SPTA1: variants seen among roughly 807,000 people sequenced by gnomAD.
SPTA1 encodes spectrin alpha, erythrocytic 1.
A neutral mutation model predicts 324.7 loss-of-function variants in SPTA1; 177 were observed. That is an observed-to-expected ratio of 0.55 (90% CI 0.48 to 0.62). SPTA1 has a LOEUF of 0.62. Among genes scored for constraint, SPTA1 ranks in the 20% least tolerant of loss-of-function variants. The pLI, the probability that SPTA1 is intolerant of heterozygous loss-of-function variation, is 0.00. For missense variants in SPTA1, 3,162 were observed against 2,883.6 expected (o/e 1.10, Z -2.21); for synonymous variants, 1,195 against 1,041.3 (o/e 1.15, Z -2.84).
chr1:158,616,041 A>G (rs973471472), intron 47 of SPTA1, among the ~76,000 whole-genome samples: 3 of 152,222 alleles, frequency 2.0e-5, no homozygotes, highest in Non-Finnish European at 4.4e-5. Context: ...TGTGGAGTGC[A>G]GTGAAAAAAA....
rs373183356 is a variant in SPTA1 at position 158,634,581 on chromosome 1, C to G, written c.5527G>C (p.Val1843Leu). ...AATGTATCTCCACAATCTCCTCGGA[C>G]AGCCAAAGCATTCTTTTCATTGATC... is the stretch of plus-strand genomic sequence containing the variant. ...AWINEKNALA[V>L]RGDCGDTLAA... Residue 1843 changes from valine to leucine, a missense_variant, in exon 39 of 52, where the codon GTC (valine) becomes CTC (leucine). Coordinates refer to ENST00000643759, the MANE Select transcript of SPTA1 (RefSeq NM_003126.4). 8.7e-6 allele frequency: 14 copies of G among 1,613,996 alleles called. No homozygotes were observed. The highest frequency in any genetic ancestry group is 1.0e-5 in the Non-Finnish European group (12 of 1,180,032).
intron 39 of SPTA1, among the ~76,000 whole-genome samples, chr1:158,633,429 G>A (rs372600408): frequency 8.5e-4 from 129 of 152,192 alleles, no homozygotes; most frequent in African/African-American, 2.9e-3. Flanking sequence ...GGGAGGCTGA[G>A]GTGGGTGGAT....
intron 10 of SPTA1, among the ~76,000 whole-genome samples, chr1:158,673,585 A>G (rs1652301): frequency 0.5 from 75,598 of 151,602 alleles, 20,181 homozygotes; most frequent in Non-Finnish European, 0.59. Context: ...GTATAGAGGA[A>G]AGAAGAACAT....
In SPTA1 at chr1:158,648,642, T is replaced by C. The variant is rs1374543153; in HGVS notation, c.3581A>G (p.Asp1194Gly). 2 of 1,613,802 alleles carry C rather than the reference T, an allele frequency of 1.2e-6. No individual in the cohort carries two copies. The highest frequency in any genetic ancestry group is 1.7e-5 in the Admixed American group (1 of 59,976). ...AVEVFHREAD[D>G]TKEQIEKKCQ... is the part of the protein sequence containing the mutation. ...TTTCTTCTCAATCTGCTCCTTCGTG[T>C]CATCTGCTTCTCTGGTATACAAGAG... The change falls in exon 26 of 52, where the codon GAC becomes GGC. Residue 1194 changes from aspartate to glycine, a missense_variant. Asp to Gly is a moderately conservative substitution (Grantham distance 94). Coordinates refer to ENST00000643759, the MANE Select transcript of SPTA1 (RefSeq NM_003126.4).
chr1:158,638,570 C>G (rs1384569253), intron 35 of SPTA1, among the ~76,000 whole-genome samples: 1 of 151,978 alleles, frequency 6.6e-6, no homozygotes, highest in Non-Finnish European at 1.5e-5. Context: ...GTAATCCCAG[C>G]ACTTTGAGAG....
intron 46 of SPTA1, 137 bp from the exon 47 acceptor site, chr1:158,617,725 A>C: frequency 1.2e-6 from 1 of 850,340 alleles, no homozygotes; most frequent in Non-Finnish European, 2.0e-6. Flanking sequence ...TCACAGAGCC[A>C]AATTTTCACA....
chr1:158,672,273 T>A, intron 10 of SPTA1, 77 bp from the exon 11 acceptor site: 1 of 1,459,152 alleles, frequency 6.9e-7, no homozygotes, highest in East Asian at 2.5e-5. Context: ...ATATAATAAA[T>A]GCAAAGCCAT....
At chr1:158,674,496 A>C (rs757486917) in intron 9 of SPTA1, 44 bp downstream of exon 9, 1 of 1,613,964 alleles carries the variant, frequency 6.2e-7, no homozygotes. Flanking sequence ...CATTCAGCCA[A>C]ATAACCTGCC....
chr1:158,640,119 T>A (rs961360013), intron 33 of SPTA1, 112 bp from the exon 34 acceptor site: 2 of 1,372,858 alleles, frequency 1.5e-6, no homozygotes, highest in East Asian at 2.3e-5. Flanking sequence ...CAAAATTTGC[T>A]GATACTTGAA....
rs1175676639 is a variant in SPTA1, at chr1:158,647,572, G to T, written c.3863C>A (p.Ala1288Asp). Residue 1288 changes from alanine to aspartate, a missense_variant, in exon 27 of 52, where the codon GCC becomes GAC. Ala to Asp is a moderately radical substitution (Grantham distance 126). Transcript: ENST00000643759. ...TKDRKESLNEAQKFYLFLSKA... is the reference protein window; with the variant it reads ...TKDRKESLNEDQKFYLFLSKA... ...GCTGAGGAACAGGTAGAATTTCTGGGCCTCATTTAGGCTCTCCTTACGATC... is the reference window on the plus strand; with the variant it reads ...GCTGAGGAACAGGTAGAATTTCTGGTCCTCATTTAGGCTCTCCTTACGATC... 3 of 1,613,626 alleles carry T rather than the reference G, an allele frequency of 1.9e-6. No homozygotes were observed. Among genetic ancestry groups the T allele is most frequent in the South Asian group, 2.2e-5 (2 of 91,064 alleles).
chr1:158,672,179 G>A lies in SPTA1; in HGVS notation c.1368C>T (p.Asn456=). ...EVREKMEILD[N]NWTALLELWD... ...ACAGTTCCAGCAGGGCAGTCCAGTT[G>A]TTGTCAAGTATTTCCATCTTTGGAA... Residue 456 remains asparagine (N), a synonymous_variant, in exon 11 of 52, where the codon AAC becomes AAT. Coordinates refer to ENST00000643759, the MANE Select transcript of SPTA1 (RefSeq NM_003126.4). 2 of 1,613,952 alleles carry A rather than the reference G, an allele frequency of 1.2e-6. No individual in the cohort carries two copies. The highest frequency in any genetic ancestry group is 2.2e-5 in the South Asian group (2 of 91,082).
intron 20 of SPTA1, 71 bp from the exon 21 acceptor site, chr1:158,654,819 A>C (rs974805357): frequency 1.2e-6 from 2 of 1,600,354 alleles, no homozygotes; most frequent in Non-Finnish European, 1.7e-6. Context: ...ACCAGGGGTG[A>C]GTAGTCCTTT....
intron 38 of SPTA1, among the ~76,000 whole-genome samples, chr1:158,635,203 G>A (rs1349113470): frequency 1.3e-5 from 2 of 152,112 alleles, no homozygotes; most frequent in African/African-American, 4.8e-5. Flanking sequence ...TCAGGGGAGG[G>A]GCCTGGTGGG....
Position 158,645,051 on chromosome 1 carries a change from C to T in SPTA1, c.4194+137G>A, listed in dbSNP as rs1198952574. The T allele has an allele frequency of 8.9e-6, 8 of 898,778 alleles. No homozygotes were observed. The Admixed American group carries it at 1.4e-4, about 16-fold the overall frequency. 55.7% of individuals were successfully genotyped at this position (898,778 alleles called of 1,614,324 possible). On this transcript the variant is annotated intron_variant, in intron 29 of 51. Transcript: ENST00000643759. Reference sequence around the variant, plus strand: ...TCGGTATAGAAAGCATAGTACAATGCTAGGTAATTAAGAGATGAGCTCCCT... The same window carrying T: ...TCGGTATAGAAAGCATAGTACAATGTTAGGTAATTAAGAGATGAGCTCCCT...
At chr1:158,621,666 T>A (rs1308375548) in intron 43 of SPTA1, among the ~76,000 whole-genome samples, 2 of 152,176 alleles carry the variant, frequency 1.3e-5, no homozygotes, top group Non-Finnish European at 2.9e-5. Context: ...CCCACTTAAT[T>A]GATTTAATTT....
chr1:158,644,001 G>A (rs1651808498), intron 30 of SPTA1, among the ~76,000 whole-genome samples: 1 of 151,954 alleles, frequency 6.6e-6, no homozygotes, highest in Non-Finnish European at 1.5e-5. Context: ...GCTGGGCATG[G>A]TGGTGGGTGT....
At chr1:158,615,709 A>ATCTG (rs1176791039) in intron 47 of SPTA1, among the ~76,000 whole-genome samples, 3 of 35,746 alleles carry the variant, frequency 8.4e-5, no homozygotes, top group South Asian at 6.2e-4. Context: ...TCTATCTATC[A>ATCTG]TCTATCTATC....
At chr1:158,681,696 G>A in intron 3 of SPTA1, 29 bp from the exon 4 acceptor site, 2 of 1,613,290 alleles carry the variant, frequency 1.2e-6, no homozygotes, top group Non-Finnish European at 1.7e-6. Flanking sequence ...AAACCACTCA[G>A]CCACAGACAC....
intron 39 of SPTA1, among the ~76,000 whole-genome samples, chr1:158,628,415 T>C (rs1650433199): frequency 6.6e-6 from 1 of 152,092 alleles, no homozygotes; most frequent in African/African-American, 2.4e-5. Context: ...ACATAGTAAG[T>C]CAGGTTAAAG....
Sources: allele counts gnomAD v4.1 joint callset (sites outside exome capture counted in the v4.1 genomes callset), GRCh38; gene constraint gnomAD v4.1.1; transcripts MANE v1.5; gene names NCBI Gene and HGNC (gene_info 2026-07-23, HGNC 2026-07-21).